The following DOCK3 variants were observed in gnomAD, a reference collection of about 807,000 sequenced individuals.
DOCK3 encodes the protein dedicator of cytokinesis protein 3.
In DOCK3, 60 loss-of-function variants were observed where a neutral mutation model predicts 265.6. That is an observed-to-expected ratio of 0.23 (90% CI 0.18 to 0.28). The LOEUF is 0.28. Ranked by LOEUF, DOCK3 falls within the 10% of genes least tolerant of loss-of-function variation. The probability of loss-of-function intolerance (pLI) is 1.00; values close to 1 mark genes in which losing one functional copy is unlikely to be tolerated. For synonymous variants in DOCK3, 881 were observed against 938.0 expected (o/e 0.94, Z 1.11); for missense variants, 1,981 against 2,594.3 (o/e 0.76, Z 5.14).
intron 31 of DOCK3, among the ~76,000 whole-genome samples, chr3:51,314,474 A>C (rs1202640122): frequency 6.6e-6 from 1 of 151,966 alleles, no homozygotes; most frequent in Non-Finnish European, 1.5e-5. Flanking sequence ...GAACATAGGC[A>C]GTGTAAAAAT....
At chr3:51,364,196 G>A (rs1315912196) in intron 49 of DOCK3, among the ~76,000 whole-genome samples, 1 of 152,164 alleles carries the variant, frequency 6.6e-6, no homozygotes, top group Non-Finnish European at 1.5e-5. Flanking sequence ...GTGTGAAATG[G>A]TATCTCATTG....
chr3:50,980,844 CTTT>C (rs896457775), intron 5 of DOCK3, among the ~76,000 whole-genome samples: 1 of 151,498 alleles, frequency 6.6e-6, no homozygotes, highest in Non-Finnish European at 1.5e-5. Context: ...GGTCTTCTCT[CTTT>C]TTTTTGGTTA....
chr3:50,720,250 T>C (rs1181669132), intron 1 of DOCK3, among the ~76,000 whole-genome samples: 1 of 152,100 alleles, frequency 6.6e-6, no homozygotes, highest in Non-Finnish European at 1.5e-5. Flanking sequence ...GTAGTAAACA[T>C]AGTATGCAAT....
intron 25 of DOCK3, among the ~76,000 whole-genome samples, chr3:51,276,090 A>T (rs528179178): frequency 6.6e-6 from 1 of 152,220 alleles, no homozygotes; most frequent in Non-Finnish European, 1.5e-5. Context: ...ATATACAAGG[A>T]TAGGCTATCC....
Position 51,357,771 on chromosome 3 carries a change from A to C in DOCK3, c.4697A>C (p.Lys1566Thr). 6.2e-7 allele frequency: 1 copy of C among 1,613,994 alleles called. No homozygotes were observed. Among genetic ancestry groups the C allele is most frequent in the Non-Finnish European group, 8.5e-7 (1 of 1,179,872 alleles). ...TTCCTTTCACAGGCCTTCTTTGATA[A>C]AGATTACATCAACAAGCACCCAGGA... ...IARYQEAFFD[K>T]DYINKHPGDA... The change falls in exon 45 of 53, where the codon AAA becomes ACA. Residue 1566 changes from lysine to threonine, a missense_variant. Coordinates refer to ENST00000266037, the MANE Select transcript of DOCK3 (RefSeq NM_004947.5).
intron 27 of DOCK3, among the ~76,000 whole-genome samples, chr3:51,284,672 A>G (rs1464236422): frequency 6.6e-6 from 1 of 152,134 alleles, no homozygotes; most frequent in Non-Finnish European, 1.5e-5. Flanking sequence ...AATGGAGCAA[A>G]CAAACAATAA....
At chr3:51,006,065 C>T (rs185488709) in intron 5 of DOCK3, among the ~76,000 whole-genome samples, 3 of 152,250 alleles carry the variant, frequency 2.0e-5, no homozygotes, top group Non-Finnish European at 2.9e-5. Flanking sequence ...CAGTGCCAAG[C>T]AAGCATTGAC....
chr3:51,297,381 G>T (rs1185619389), intron 27 of DOCK3, among the ~76,000 whole-genome samples: 1 of 151,914 alleles, frequency 6.6e-6, no homozygotes, highest in Non-Finnish European at 1.5e-5. Context: ...TGCTTCAAAG[G>T]CTACCATCAA....
At chr3:50,850,889 C>T (rs892462111) in intron 3 of DOCK3, among the ~76,000 whole-genome samples, 2 of 152,194 alleles carry the variant, frequency 1.3e-5, no homozygotes, top group Non-Finnish European at 2.9e-5. Context: ...TGTACTTGAT[C>T]CTTGTTTACT....
intron 4 of DOCK3, among the ~76,000 whole-genome samples, chr3:50,918,515 A>G (rs757613061): frequency 3.3e-5 from 5 of 152,072 alleles, no homozygotes; most frequent in African/African-American, 9.7e-5. Context: ...GGCCAGTGAT[A>G]ATGAGCCTTT....
At chr3:51,032,316 A>C (rs4323036) in intron 5 of DOCK3, among the ~76,000 whole-genome samples, 11,165 of 152,198 alleles carry the variant, frequency 0.073, 1,020 homozygotes, top group East Asian at 0.34. Flanking sequence ...TAGTCCCTAC[A>C]ACTTAAGTTT....
intron 1 of DOCK3, among the ~76,000 whole-genome samples, chr3:50,734,989 G>A (rs1277879208): frequency 2.6e-5 from 4 of 152,138 alleles, no homozygotes; most frequent in African/African-American, 4.8e-5. Flanking sequence ...AGCATTTCTT[G>A]TAAGATAGGT....
At chr3:50,962,317 A>G (rs556126232) in intron 5 of DOCK3, among the ~76,000 whole-genome samples, 2 of 152,330 alleles carry the variant, frequency 1.3e-5, no homozygotes, top group South Asian at 4.1e-4. Flanking sequence ...TATTGAAGTG[A>G]AAGTTCCTCT....
At chr3:51,197,386 T>C (rs2088370330) in intron 12 of DOCK3, among the ~76,000 whole-genome samples, 1 of 152,128 alleles carries the variant, frequency 6.6e-6, no homozygotes, top group African/African-American at 2.4e-5. Context: ...CTACATGGCA[T>C]GAGTGATAGC....
chr3:51,333,084 C>A, intron 34 of DOCK3, 57 bp downstream of exon 34: 1 of 1,613,862 alleles, frequency 6.2e-7, no homozygotes, highest in South Asian at 1.1e-5. Context: ...CCTCCATGGG[C>A]TCTTGGACTT....
At chr3:50,715,779 A>G (rs1477472239) in intron 1 of DOCK3, among the ~76,000 whole-genome samples, 5 of 152,120 alleles carry the variant, frequency 3.3e-5, no homozygotes, top group Non-Finnish European at 7.3e-5. Flanking sequence ...GATGAAGAAG[A>G]GACAAGATCA....
intron 22 of DOCK3, among the ~76,000 whole-genome samples, chr3:51,249,294 T>C: frequency 8.3e-6 from 1 of 120,174 alleles, no homozygotes. Flanking sequence ...GGAGCCCCTC[T>C]GCCCAACCAG....
intron 3 of DOCK3, among the ~76,000 whole-genome samples, chr3:50,869,377 TTTTTTTTTTTTTTG>T (rs1559747152): frequency 5.0e-4 from 33 of 66,028 alleles, no homozygotes; most frequent in African/African-American, 1.7e-3. Flanking sequence ...TTTTTTTTTT[TTTTTTTTTTTTTTG>T]GAGATAGGGT....
chr3:51,159,925 T>C (rs2086049065), intron 11 of DOCK3, among the ~76,000 whole-genome samples: 2 of 152,346 alleles, frequency 1.3e-5, no homozygotes, highest in Admixed American at 1.3e-4. Context: ...CATGTACATT[T>C]TTATCAAAGA....
Sources: allele counts gnomAD v4.1 joint callset (sites outside exome capture counted in the v4.1 genomes callset), GRCh38; gene constraint gnomAD v4.1.1; transcripts MANE v1.5; gene names NCBI Gene and HGNC (gene_info 2026-07-23, HGNC 2026-07-21).